The following CHODL variants were observed in gnomAD, a reference collection of about 807,000 sequenced individuals.
The protein encoded by CHODL is transmembrane protein MT75.
In CHODL, 29 loss-of-function variants were observed where a neutral mutation model predicts 34.5. The observed-to-expected ratio is 0.84, with a 90% CI of 0.63 to 1.15. CHODL has a LOEUF of 1.15. Ranked by LOEUF, CHODL falls within the 50% of genes most tolerant of loss-of-function variation. The probability of loss-of-function intolerance (pLI) is 0.00; values close to 1 mark genes in which losing one functional copy is unlikely to be tolerated. For synonymous variants in CHODL, 125 were observed against 116.1 expected (o/e 1.08, Z -0.49); for missense variants, 332 against 332.5 (o/e 1.00, Z 0.01).
intron 2 of CHODL, among the ~76,000 whole-genome samples, chr21:18,127,672 GTTTTTTTTTTTTTT>G (rs71318127): frequency 1.1e-4 from 8 of 70,044 alleles, no homozygotes; most frequent in African/African-American, 2.1e-4. Context: ...CGTTGCCATT[GTTTTTTTTTTTTTT>G]TTTTTTTTTT....
chr21:18,118,618 C>T (rs1179851108), intron 2 of CHODL, among the ~76,000 whole-genome samples: 1 of 152,088 alleles, frequency 6.6e-6, no homozygotes, highest in Non-Finnish European at 1.5e-5. Flanking sequence ...TATCTTGACA[C>T]TATGTCTGTA....
At chr21:18,004,673 A>T (rs2146404451) in intron 1 of CHODL, among the ~76,000 whole-genome samples, 1 of 152,260 alleles carries the variant, frequency 6.6e-6, no homozygotes, top group African/African-American at 2.4e-5. Flanking sequence ...TTTTCTCACA[A>T]AGCTCATGCA....
intron 2 of CHODL, among the ~76,000 whole-genome samples, chr21:18,141,615 G>A (rs1601060624): frequency 6.6e-6 from 1 of 152,026 alleles, no homozygotes; most frequent in African/African-American, 2.4e-5. Flanking sequence ...TTCCCTAGCG[G>A]CATTTGGAAA....
chr21:17,917,593 C>G (rs559298143), intron 1 of CHODL, among the ~76,000 whole-genome samples: 4 of 146,884 alleles, frequency 2.7e-5, no homozygotes, highest in Non-Finnish European at 4.4e-5. Flanking sequence ...AAGGTGGGGC[C>G]ATCTGTAGAG....
chr21:17,992,987 T>C (rs906832948), intron 1 of CHODL, among the ~76,000 whole-genome samples: 3 of 152,272 alleles, frequency 2.0e-5, no homozygotes, highest in African/African-American at 7.2e-5. Flanking sequence ...TCATGTCATC[T>C]GCAAAGAGGG....
chr21:18,085,410 A>G (rs205706), intron 2 of CHODL, among the ~76,000 whole-genome samples: 63,491 of 151,720 alleles, frequency 0.42, 14,294 homozygotes, highest in Non-Finnish European at 0.51. Context: ...TATCTTATTG[A>G]CATTTGATTC....
chr21:18,120,669 A>T (rs1246127589), intron 2 of CHODL, among the ~76,000 whole-genome samples: 1 of 152,202 alleles, frequency 6.6e-6, no homozygotes, highest in Non-Finnish European at 1.5e-5. Context: ...ATCTATACAT[A>T]TACACATATT....
At chr21:18,028,528 T>C (rs893373244) in intron 2 of CHODL, among the ~76,000 whole-genome samples, 1 of 151,340 alleles carries the variant, frequency 6.6e-6, no homozygotes, top group African/African-American at 2.4e-5. Context: ...TGAAACCCCA[T>C]CTCTACTAAA....
chr21:18,048,205 C>T lies in CHODL; in HGVS notation c.-45+20234C>T, dbSNP rs185868269. 7.0e-3 allele frequency among the ~76,000 whole-genome samples: 1,067 copies of T among 151,946 alleles called. 7 individuals are homozygous for T. Among genetic ancestry groups the T allele is most frequent in the Middle Eastern group, 0.014 (4 of 294 alleles). The stretch of plus-strand genomic sequence containing the variant: ...AAAGAGGAGGAATTGATTTGCTTTT[C>T]TCAAAAATGATGGCGTTCTCATTTG... On this transcript the variant is annotated intron_variant, in intron 2 of 6. Coordinates refer to the CHODL transcript ENST00000400127.
chr21:18,248,669 A>AATAT (rs2074177546), intron 1 of CHODL, among the ~76,000 whole-genome samples: 1 of 100,820 alleles, frequency 9.9e-6, no homozygotes, highest in African/African-American at 4.1e-5. Context: ...ATATATGTAT[A>AATAT]ATACATATAT....
intron 1 of CHODL, among the ~76,000 whole-genome samples, chr21:17,959,795 A>G (rs2063518944): frequency 6.6e-6 from 1 of 152,196 alleles, no homozygotes; most frequent in Non-Finnish European, 1.5e-5. Context: ...TACTTAGGAC[A>G]GTTTGGATGT....
At chr21:18,117,555 A>T (rs961498049) in intron 2 of CHODL, among the ~76,000 whole-genome samples, 10 of 152,038 alleles carry the variant, frequency 6.6e-5, no homozygotes, top group African/African-American at 2.4e-4. Context: ...TTCATAAAAA[A>T]ATTACTCCCT....
At chr21:18,153,320 G>A (rs1254873131) in intron 2 of CHODL, among the ~76,000 whole-genome samples, 2 of 152,138 alleles carry the variant, frequency 1.3e-5, no homozygotes, top group Non-Finnish European at 2.9e-5. Context: ...GTAGGACTGA[G>A]GGCCCCTTCT....
intron 2 of CHODL, among the ~76,000 whole-genome samples, chr21:18,162,809 T>G (rs1433157155): frequency 6.6e-6 from 1 of 152,188 alleles, no homozygotes; most frequent in East Asian, 1.9e-4. Flanking sequence ...CTTTCTTTAT[T>G]TTTGTTTTTC....
intron 1 of CHODL, among the ~76,000 whole-genome samples, chr21:17,967,550 G>A (rs1474614898): frequency 6.6e-6 from 1 of 152,144 alleles, no homozygotes; most frequent in African/African-American, 2.4e-5. Context: ...TTCCTGAACT[G>A]AATGAGTCCA....
intron 1 of CHODL, among the ~76,000 whole-genome samples, chr21:18,006,449 T>C (rs2063962251): frequency 6.6e-6 from 1 of 152,206 alleles, no homozygotes; most frequent in South Asian, 2.1e-4. Flanking sequence ...CCTATCTACA[T>C]TACTGCCACT....
At chr21:18,251,149 G>C (rs2074231479) in intron 1 of CHODL, among the ~76,000 whole-genome samples, 1 of 150,986 alleles carries the variant, frequency 6.6e-6, no homozygotes, top group Non-Finnish European at 1.5e-5. Context: ...TTATATCATT[G>C]CCAAGAGCAT....
chr21:18,201,081 G>A lies in CHODL; in HGVS notation c.-44-55428G>A, dbSNP rs573285779. ...GTTTGTGGCAATATGTTATGCAGTC[G>A]TACTAAAAAAAATAGGTAATATTTA... On this transcript the variant is annotated intron_variant, in intron 2 of 6. Transcript: ENST00000400127. Among the ~76,000 whole-genome samples the A allele has an allele frequency of 1.5e-4, 23 of 152,022 alleles. No homozygotes were observed. The East Asian group carries it at 3.1e-3, about 20-fold the overall frequency.
intron 2 of CHODL, among the ~76,000 whole-genome samples, chr21:18,135,914 C>A (rs889239726): frequency 6.6e-6 from 1 of 151,644 alleles, no homozygotes; most frequent in Non-Finnish European, 1.5e-5. Flanking sequence ...CAAGACAATC[C>A]CGGCCGACAT....
Sources: allele counts gnomAD v4.1 joint callset (sites outside exome capture counted in the v4.1 genomes callset), GRCh38; gene constraint gnomAD v4.1.1; transcripts MANE v1.5; gene names NCBI Gene and HGNC (gene_info 2026-07-23, HGNC 2026-07-21).